USP4: variants seen among roughly 807,000 people sequenced by gnomAD.
The protein encoded by USP4 is ubiquitin carboxyl-terminal hydrolase 4.
Under a neutral mutation model 118.2 loss-of-function variants are expected in USP4, and 72 were observed. The ratio of observed to expected loss-of-function variants is 0.61; its 90% CI spans 0.50 to 0.74. USP4 has a LOEUF of 0.74. Ranked by LOEUF, USP4 falls within the 30% of genes least tolerant of loss-of-function variation. USP4 has a pLI of 0.00. For synonymous variants in USP4, 415 were observed against 440.4 expected (o/e 0.94, Z 0.72); for missense variants, 1,037 against 1,185.7 (o/e 0.87, Z 1.84).
At chr3:49,297,790 G>T in intron 13 of USP4, 80 bp downstream of exon 13, 2 of 1,197,930 alleles carry the variant, frequency 1.7e-6, no homozygotes, top group Non-Finnish European at 2.5e-6. Flanking sequence ...CCACATTTTT[G>T]TTCTGGAGAT....
At chr3:49,291,014 G>C (rs1462808436) in intron 15 of USP4, among the ~76,000 whole-genome samples, 37 of 152,014 alleles carry the variant, frequency 2.4e-4, no homozygotes, top group Non-Finnish European at 4.4e-5. Flanking sequence ...TGTCGCCCAG[G>C]CTGGAGTGCA....
At chr3:49,286,472 T>C in intron 15 of USP4, 147 bp from the exon 16 acceptor site, 1 of 808,726 alleles carries the variant, frequency 1.2e-6, no homozygotes, top group Non-Finnish European at 1.9e-6. Context: ...TTAACTTGAA[T>C]TCACATGTGA....
chr3:49,320,096 A>AT (rs2047483137), intron 6 of USP4, among the ~76,000 whole-genome samples: 1 of 151,654 alleles, frequency 6.6e-6, no homozygotes, highest in Admixed American at 6.6e-5. Context: ...TTTAAAAAAA[A>AT]TTTTGTAGAG....
intron 9 of USP4, among the ~76,000 whole-genome samples, 194 bp from the exon 10 acceptor site, chr3:49,302,736 G>C (rs1336154536): frequency 6.6e-6 from 1 of 152,168 alleles, no homozygotes; most frequent in Non-Finnish European, 1.5e-5. Context: ...GCCTAGATCA[G>C]AGAGCCAGGA....
Position 49,304,528 on chromosome 3 carries a change from G to A in USP4, c.1128+1187C>T, listed in dbSNP as rs540751275. Among the ~76,000 whole-genome samples, 177 of 152,194 alleles carry A rather than the reference G, an allele frequency of 1.2e-3. 1 individual carries two copies. Among genetic ancestry groups the A allele is most frequent in the Non-Finnish European group, 1.7e-3 (114 of 68,016 alleles). On this transcript the variant is annotated intron_variant, in intron 9 of 21. Transcript: ENST00000265560. The stretch of plus-strand genomic sequence containing the variant: ...CTTAGGGGGTCCCAACTCAAACCAC[G>A]AAGCCTGTAGAATCCAGGCTCAGAG...
chr3:49,328,298 C>T (rs953098333), intron 2 of USP4, among the ~76,000 whole-genome samples: 3 of 151,786 alleles, frequency 2.0e-5, no homozygotes, highest in Non-Finnish European at 4.4e-5. Context: ...GCAGAGGTTG[C>T]AGTAAGCCAA....
chr3:49,311,979 C>T (rs960732173), intron 6 of USP4: 1 of 811,292 alleles, frequency 1.2e-6, no homozygotes, highest in Non-Finnish European at 1.6e-6. Context: ...CTCAGGAGTT[C>T]GAGACCAGCC....
intron 2 of USP4, among the ~76,000 whole-genome samples, chr3:49,328,910 T>C (rs1193520560): frequency 6.6e-6 from 1 of 151,716 alleles, no homozygotes; most frequent in Non-Finnish European, 1.5e-5. Context: ...CCAGGCGCAG[T>C]GGCTCACACC....
At chr3:49,296,387 C>T (rs2047209107) in intron 13 of USP4, among the ~76,000 whole-genome samples, 1 of 151,950 alleles carries the variant, frequency 6.6e-6, no homozygotes, top group African/African-American at 2.4e-5. Flanking sequence ...CAGTGGCTCA[C>T]GCCTGTAATC....
At chr3:49,284,331 G>T in intron 18 of USP4, 135 bp downstream of exon 18, 2 of 1,038,050 alleles carry the variant, frequency 1.9e-6, no homozygotes, top group South Asian at 1.5e-5. Flanking sequence ...ACTCACAGAG[G>T]ATTATGTTGT....
chr3:49,296,100 G>C (rs961957891), intron 13 of USP4, among the ~76,000 whole-genome samples: 1 of 151,926 alleles, frequency 6.6e-6, no homozygotes, highest in South Asian at 2.1e-4. Flanking sequence ...GGGAGGCCGA[G>C]GGGGACGGAT....
In USP4 at chr3:49,284,385, G is replaced by A. The variant is rs561913407; in HGVS notation, c.2390+81C>T. On this transcript the variant is annotated intron_variant, in intron 18 of 21. Coordinates refer to ENST00000265560, the MANE Select transcript of USP4 (RefSeq NM_003363.4). ...AAGTGACACATCCAAATACAAAGGG[G>A]TTTATGTGCACAGATGGCCCTAGCA... 3.1e-5 allele frequency: 37 copies of A among 1,188,834 alleles called. No homozygotes were observed. In the South Asian group the frequency reaches 4.8e-4, roughly 15 times the overall value. The allele number at this position is 1,188,834 out of a possible 1,614,324, so 73.6% of individuals were successfully genotyped here.
chr3:49,298,573 C>G lies in USP4; in HGVS notation c.1575G>C (p.Leu525=). ...VSDLCEALSR[L]SGIAAENMVV... is the part of the protein sequence containing the mutation. ...TTACATTTTCTGCAGCAATGCCAGA[C>G]AGCCTGGAGAGAGCCTCGCACAGGT... Residue 525 remains leucine, a synonymous_variant, in exon 12 of 22, where the codon CTG becomes CTC. Transcript: ENST00000265560. 6.2e-7 allele frequency: 1 copy of G among 1,614,214 alleles called. No individual in the cohort carries two copies. The highest frequency in any genetic ancestry group is 8.5e-7 in the Non-Finnish European group (1 of 1,180,024).
Position 49,278,900 on chromosome 3 carries a change from T to C in USP4, c.2647A>G (p.Thr883Ala), listed in dbSNP as rs142189057. 5.5e-5 allele frequency: 88 copies of C among 1,606,260 alleles called. No individual in the cohort carries two copies. The highest frequency in any genetic ancestry group is 7.2e-5 in the Non-Finnish European group (85 of 1,175,812). ...TTCAGTTTGTTCTTCGCATATGCAG[T>C]GTCTGCCAAGTCAACAAAGAAAATA... is the stretch of plus-strand genomic sequence containing the variant. ...HYGAMGVGHY[T>A]AYAKNKLNGK... Residue 883 changes from threonine (T) to alanine (A), a missense_variant and splice_region_variant, in exon 21 of 22, where the codon ACT becomes GCT. Thr to Ala is a moderately conservative substitution (Grantham distance 58, BLOSUM62 0). This residue lies in a region of USP4 where 522 missense variants were observed against 592.6 expected (regional missense o/e 0.88). Transcript: ENST00000265560.
chr3:49,316,917 G>A (rs2047442353), intron 6 of USP4: 3 of 611,584 alleles, frequency 4.9e-6, no homozygotes, highest in South Asian at 2.0e-5. Flanking sequence ...CCCACAGGCT[G>A]TGCCCCGGGC....
Position 49,317,126 on chromosome 3 carries a change from CCTTGGTCAGGTTCCCAG to C in USP4, c.696-5489_696-5473del, listed in dbSNP as rs751102726. 27 of 1,385,552 alleles carry C rather than the reference CCTTGGTCAGGTTCCCAG, an allele frequency of 1.9e-5. No individual in the cohort carries two copies. In the African/African-American group the frequency reaches 3.3e-4, roughly 17 times the overall value. 85.8% of individuals were successfully genotyped at this position (1,385,552 alleles called of 1,614,324 possible). On this transcript the variant is annotated intron_variant, in intron 6 of 21. Transcript: ENST00000265560. ...CTACTTTTCTGGTCTGAGGCTGTAGCCTTGGTCAGGTTCCCAGCTTCCCTCTTCAGGACACTGAGCAA... is the reference window on the plus strand; with the variant it reads ...CTACTTTTCTGGTCTGAGGCTGTAGCCTTCCCTCTTCAGGACACTGAGCAA...
chr3:49,298,072 G>A, intron 12 of USP4, 108 bp from the exon 13 acceptor site: 1 of 749,424 alleles, frequency 1.3e-6, no homozygotes. Flanking sequence ...CTCAAATGTT[G>A]CCTCTAGAGA....
At chr3:49,321,704 T>G (rs1194993584) in intron 6 of USP4, among the ~76,000 whole-genome samples, 1 of 151,934 alleles carries the variant, frequency 6.6e-6, no homozygotes, top group Non-Finnish European at 1.5e-5. Flanking sequence ...CTATTATTGA[T>G]TTTTTTTGGC....
chr3:49,289,728 G>A (rs191615198), intron 15 of USP4, among the ~76,000 whole-genome samples: 22 of 151,844 alleles, frequency 1.4e-4, no homozygotes, highest in African/African-American at 4.8e-4. Flanking sequence ...AAAATTAGCC[G>A]GGCATGGTGG....
Sources: gnomAD v4.1 joint callset for allele counts (sites outside exome capture counted in the v4.1 genomes callset) on GRCh38, gnomAD v4.1.1 for gene constraint, gnomAD v4.1.1 regional missense constraint, MANE v1.5 for transcripts, NCBI Gene and HGNC (gene_info 2026-07-23, HGNC 2026-07-21) for gene names.